SHC4: variants seen among roughly 807,000 people sequenced by gnomAD.
SHC4 encodes SHC-transforming protein 4.
Under a neutral mutation model 69.4 loss-of-function variants are expected in SHC4, and 41 were observed. That is an observed-to-expected ratio of 0.59 (90% CI 0.46 to 0.77). SHC4 has a LOEUF of 0.77. SHC4 is among the 30% of genes least tolerant of loss of function. The pLI, the probability that SHC4 is intolerant of heterozygous loss-of-function variation, is 0.00. For synonymous variants in SHC4, 318 were observed against 299.3 expected, an observed-to-expected ratio of 1.06 and a Z score of -0.64; for missense variants, 777 against 783.8, an observed-to-expected ratio of 0.99 and a Z score of 0.10.
chr15:48,943,275 C>CTT (rs1901208664), intron 1 of SHC4, among the ~76,000 whole-genome samples: 2 of 152,148 alleles, frequency 1.3e-5, no homozygotes, highest in African/African-American at 4.8e-5. Flanking sequence ...CTCCCTGGCC[C>CTT]TTGTAACCCC....
At chr15:48,957,244 C>G (rs1037340172) in intron 1 of SHC4, among the ~76,000 whole-genome samples, 3 of 152,062 alleles carry the variant, frequency 2.0e-5, no homozygotes, top group African/African-American at 4.8e-5. Flanking sequence ...TCCCTAAGTG[C>G]TGGGGTTACA....
At position 48,890,738 on chromosome 15, in the gene SHC4, C is replaced by G. The variant is rs1401302191; in HGVS notation, c.720+10G>C. On this transcript the variant is annotated intron_variant, in intron 3 of 11. Transcript: ENST00000332408. Reference sequence around the variant, plus strand: ...GGAAACATAAACAAGAAAACCACATCATCATTTACCTTTCGCTTTTTAATG... The same window carrying G: ...GGAAACATAAACAAGAAAACCACATGATCATTTACCTTTCGCTTTTTAATG... The G allele has an allele frequency of 1.2e-6, 2 of 1,613,986 alleles. No individual in the cohort carries two copies. The highest frequency in any genetic ancestry group is 1.7e-6 in the Non-Finnish European group (2 of 1,179,978).
chr15:48,927,761 G>A lies in SHC4; in HGVS notation c.586-2812C>T, dbSNP rs915143822. On this transcript the variant is annotated intron_variant, in intron 1 of 11. Transcript: ENST00000332408. ...CCGCCTGGCTCTCCTACACAGTTCT[G>A]CAGGACAAACCCCTTCTCATCTTTC... Among the ~76,000 whole-genome samples the A allele has an allele frequency of 3.9e-5, 6 of 152,050 alleles. No homozygotes were observed. The East Asian group carries it at 1.2e-3, about 29-fold the overall frequency.
At chr15:48,826,209 G>A (rs1898685229) in intron 11 of SHC4, 83 bp from the exon 12 acceptor site, 2 of 1,280,368 alleles carry the variant, frequency 1.6e-6, no homozygotes, top group Non-Finnish European at 2.1e-6. Flanking sequence ...GAAAATGCCA[G>A]ATATATCCCT....
intron 1 of SHC4, among the ~76,000 whole-genome samples, chr15:48,950,032 T>G (rs1901341198): frequency 7.0e-6 from 1 of 142,212 alleles, no homozygotes; most frequent in South Asian, 2.1e-4. Flanking sequence ...TAATAAATAA[T>G]ATAAATATAA....
At chr15:48,922,466 A>G (rs1423804904) in intron 2 of SHC4, among the ~76,000 whole-genome samples, 4 of 152,214 alleles carry the variant, frequency 2.6e-5, no homozygotes, top group Non-Finnish European at 4.4e-5. Context: ...AGATCAAGGC[A>G]CCAGTAGATC....
intron 1 of SHC4, among the ~76,000 whole-genome samples, chr15:48,945,217 T>G (rs1417665207): frequency 6.6e-6 from 1 of 151,884 alleles, no homozygotes; most frequent in Non-Finnish European, 1.5e-5. Context: ...TATAAAAATA[T>G]AGTCAGATAA....
intron 10 of SHC4, among the ~76,000 whole-genome samples, chr15:48,835,698 T>C (rs1898885903): frequency 6.6e-6 from 1 of 152,146 alleles, no homozygotes; most frequent in African/African-American, 2.4e-5. Context: ...ATAAGTGTTG[T>C]CCAGAGTTGA....
intron 1 of SHC4, among the ~76,000 whole-genome samples, chr15:48,952,946 A>G (rs1416470013): frequency 1.3e-5 from 2 of 152,238 alleles, no homozygotes; most frequent in Admixed American, 1.3e-4. Flanking sequence ...AAATCGTTCT[A>G]TTATAAAGAC....
At chr15:48,946,348 C>T (rs142968025) in intron 1 of SHC4, among the ~76,000 whole-genome samples, 1 of 152,308 alleles carries the variant, frequency 6.6e-6, no homozygotes, top group Non-Finnish European at 1.5e-5. Flanking sequence ...AAATATATTA[C>T]CCATGACTGT....
At chr15:48,945,368 G>A (rs1364336880) in intron 1 of SHC4, among the ~76,000 whole-genome samples, 1 of 151,654 alleles carries the variant, frequency 6.6e-6, no homozygotes, top group Non-Finnish European at 1.5e-5. Context: ...CCACTTCTGG[G>A]TGTACACCCA....
chr15:48,886,125 C>T (rs925424762), intron 3 of SHC4, among the ~76,000 whole-genome samples: 7 of 150,620 alleles, frequency 4.6e-5, no homozygotes, highest in East Asian at 1.9e-4. Flanking sequence ...GGCGTGGTGG[C>T]GCATGCCTGT....
At position 48,841,996 on chromosome 15, in the gene SHC4, C is replaced by G. The variant is rs187812467; in HGVS notation, c.1483+1413G>C. Among the ~76,000 whole-genome samples the G allele has an allele frequency of 4.6e-5, 7 of 152,318 alleles. No homozygotes were observed. In the East Asian group the frequency reaches 1.3e-3, roughly 29 times the overall value. ...CTGTCTTTGGCAGTTCTGGAGAAAT[C>G]TCCTGGACTATTAAAAGGATTTTCT... is the stretch of plus-strand genomic sequence containing the variant. On this transcript the variant is annotated intron_variant, in intron 10 of 11. Coordinates refer to ENST00000332408, the MANE Select transcript of SHC4 (RefSeq NM_203349.4).
chr15:48,884,194 C>T lies in SHC4; in HGVS notation c.840+54G>A, dbSNP rs116788541. 9.2e-4 allele frequency: 1,403 copies of T among 1,524,704 alleles called. 12 individuals carry two copies. The African/African-American group carries it at 0.017, about 18-fold the overall frequency. The allele number at this position is 1,524,704 out of a possible 1,614,324, so 94.4% of individuals were successfully genotyped here. Reference sequence around the variant, plus strand: ...AACTTTATTCTTTTCATTATCCCCACGCTTCTCTGAAAAAATAGATATGTT... The same window carrying T: ...AACTTTATTCTTTTCATTATCCCCATGCTTCTCTGAAAAAATAGATATGTT... On this transcript the variant is annotated intron_variant, in intron 4 of 11. Coordinates refer to ENST00000332408, the MANE Select transcript of SHC4 (RefSeq NM_203349.4).
chr15:48,955,213 G>A (rs1901425695), intron 1 of SHC4, among the ~76,000 whole-genome samples: 1 of 152,100 alleles, frequency 6.6e-6, no homozygotes, highest in Non-Finnish European at 1.5e-5. Flanking sequence ...ATTCTGAAGG[G>A]GAAAATGAAA....
At chr15:48,900,363 C>T (rs572553857) in intron 2 of SHC4, among the ~76,000 whole-genome samples, 1 of 151,990 alleles carries the variant, frequency 6.6e-6, no homozygotes, top group African/African-American at 2.4e-5. Flanking sequence ...CAAAAGTAGC[C>T]GGAAGTGGTG....
At chr15:48,897,127 T>C (rs994805852) in intron 2 of SHC4, among the ~76,000 whole-genome samples, 10 of 152,218 alleles carry the variant, frequency 6.6e-5, no homozygotes, top group African/African-American at 2.4e-4. Flanking sequence ...AGCAAGTGTC[T>C]GCTCTTAGAG....
intron 1 of SHC4, among the ~76,000 whole-genome samples, chr15:48,938,606 T>G (rs1427415581): frequency 1.3e-5 from 2 of 151,970 alleles, no homozygotes; most frequent in African/African-American, 4.8e-5. Context: ...ACTGTGGGAG[T>G]GATTTGTCAC....
rs1899592193 is a variant in SHC4 at position 48,867,820 on chromosome 15, C to T, written c.944G>A (p.Arg315Gln). The T allele has an allele frequency of 1.9e-6, 3 of 1,613,276 alleles. No individual in the cohort carries two copies. The highest frequency in any genetic ancestry group is 2.5e-6 in the Non-Finnish European group (3 of 1,179,618). ...AATCTGTAAGTTGCTTTCCATACCT[C>T]GTTGATTAACTGGATCTTTAGCTAC... ...AYVAKDPVNQ[R>Q]ACHILECHNG... Residue 315 changes from arginine (R) to glutamine (Q), a missense_variant and splice_region_variant, in exon 6 of 12, where the codon CGA becomes CAA. Physicochemically the swap from Arg to Gln is conservative, Grantham distance 43. Coordinates refer to ENST00000332408, the MANE Select transcript of SHC4 (RefSeq NM_203349.4).
Sources: allele counts gnomAD v4.1 joint callset (sites outside exome capture counted in the v4.1 genomes callset), GRCh38; gene constraint gnomAD v4.1.1; transcripts MANE v1.5; gene names NCBI Gene and HGNC (gene_info 2026-07-23, HGNC 2026-07-21).